Variants in BAHD1 observed in about 807,000 individuals in gnomAD.
BAHD1 encodes bromo adjacent homology domain-containing 1 protein.
In BAHD1, 20 loss-of-function variants were observed where a neutral mutation model predicts 63.1. The ratio of observed to expected loss-of-function variants is 0.32; its 90% CI spans 0.22 to 0.46. The LOEUF is 0.46. BAHD1 is among the 20% of genes least tolerant of loss of function. The pLI is 1.00. For missense variants in BAHD1, 939 were observed against 1,071.8 expected, an observed-to-expected ratio of 0.88 and a Z score of 1.73; for synonymous variants, 408 against 426.8, an observed-to-expected ratio of 0.96 and a Z score of 0.54.
chr15:40,439,418 T>C (rs558513097), upstream of BAHD1, among the ~76,000 whole-genome samples: 101 of 152,320 alleles, frequency 6.6e-4, 1 homozygote, highest in South Asian at 0.02. Context: ...AAAGGCTGCC[T>C]GGGTGAGCGC....
chr15:40,464,836 A>T (rs603104), intron 5 of BAHD1: 1 of 458,884 alleles, frequency 2.2e-6, no homozygotes, highest in Non-Finnish European at 3.9e-6. Context: ...GTTCCCCTGG[A>T]AACAGGAAAG....
chr15:40,443,135 G>A (rs1022600439), intron 1 of BAHD1: 7 of 323,578 alleles, frequency 2.2e-5, no homozygotes, highest in Non-Finnish European at 1.3e-5. Context: ...CTGAGTTCGA[G>A]TCCCACCTCA....
At position 40,459,951 on chromosome 15, in the gene BAHD1, A is replaced by G. The variant is rs1412880962; in HGVS notation, c.1432+55A>G. ...GGGAGTCTCGGAGACATGGCATCCC[A>G]GGAGGTTGGGCTGTTGATCTGAGCA... On this transcript the variant is annotated intron_variant, in intron 2 of 6. Coordinates refer to ENST00000416165, the MANE Select transcript of BAHD1 (RefSeq NM_014952.5). The G allele has an allele frequency of 2.0e-6, 3 of 1,512,670 alleles. No homozygotes were observed. The Admixed American group carries it at 6.2e-5, about 31-fold the overall frequency. The allele number at this position is 1,512,670 out of a possible 1,614,324, so 93.7% of individuals were successfully genotyped here.
At chr15:40,437,587 A>G (rs1215485632), upstream of BAHD1, among the ~76,000 whole-genome samples, 1 of 152,098 alleles carries the variant, frequency 6.6e-6, no homozygotes, top group Non-Finnish European at 1.5e-5. Flanking sequence ...GTGGCTCAGT[A>G]AGTATTGTGG....
intron 1 of BAHD1, among the ~76,000 whole-genome samples, chr15:40,456,840 G>T (rs891911882): frequency 6.6e-6 from 1 of 152,234 alleles, no homozygotes; most frequent in African/African-American, 2.4e-5. Flanking sequence ...GGAGTACCTG[G>T]TGAGGGACAG....
chr15:40,449,552 C>G (rs934603786), intron 1 of BAHD1, among the ~76,000 whole-genome samples: 10 of 152,096 alleles, frequency 6.6e-5, no homozygotes, highest in African/African-American at 2.4e-4. Flanking sequence ...GTAATCCCAG[C>G]ACTTTGGGAT....
In BAHD1 at chr15:40,458,376, G is replaced by A; in HGVS notation, c.-14-75G>A. 1 of 1,502,348 alleles carries A rather than the reference G, an allele frequency of 6.7e-7. No homozygotes were observed. Among genetic ancestry groups the A allele is most frequent in the Non-Finnish European group, 8.9e-7 (1 of 1,127,156 alleles). 93.1% of individuals were successfully genotyped at this position (1,502,348 alleles called of 1,614,324 possible). ...GGATCACTGCACCTGGGGCTGGGTAGGCTGCAGTGGGAGAGAAAGCAGGCA... is the reference window on the plus strand; with the variant it reads ...GGATCACTGCACCTGGGGCTGGGTAAGCTGCAGTGGGAGAGAAAGCAGGCA... On this transcript the variant is annotated intron_variant, in intron 1 of 6. Transcript: ENST00000416165. The surrounding 1 kb of genome is among the most constrained non-coding windows in gnomAD (Gnocchi z 4.7).
intron 1 of BAHD1, among the ~76,000 whole-genome samples, chr15:40,449,178 C>T (rs1007400258): frequency 2.6e-5 from 4 of 152,102 alleles, no homozygotes; most frequent in Admixed American, 2.6e-4. Context: ...ACAACTAGCT[C>T]ATAAGGCTGT....
chr15:40,463,919 C>A lies in BAHD1; in HGVS notation c.1874C>A (p.Thr625Lys), dbSNP rs1387841741. The A allele has an allele frequency of 6.2e-7, 1 of 1,614,100 alleles. No individual in the cohort carries two copies. The highest frequency in any genetic ancestry group is 1.3e-5 in the African/African-American group (1 of 74,934). ...SYQAVERHGE[T>K]IRVRDTVLLK... ...CAGGCGGTAGAGCGGCATGGGGAGA[C>A]AATCCGAGTCCGGGACACCGTCCTT... The change falls in exon 4 of 7, where the codon ACA (threonine) becomes AAA (lysine). Residue 625 changes from threonine (T) to lysine (K), a missense_variant. Thr to Lys is a moderately conservative substitution (Grantham distance 78, BLOSUM62 -1). Transcript: ENST00000416165.
At chr15:40,463,798 C>T in intron 3 of BAHD1, 63 bp from the exon 4 acceptor site, 7 of 1,572,722 alleles carry the variant, frequency 4.5e-6, no homozygotes, top group Non-Finnish European at 6.1e-6. Context: ...GTCATTCCCT[C>T]TCTCTGTCCT....
intron 1 of BAHD1, among the ~76,000 whole-genome samples, chr15:40,456,634 C>T (rs1296134744): frequency 1.3e-5 from 2 of 152,212 alleles, no homozygotes; most frequent in Non-Finnish European, 2.9e-5. Flanking sequence ...TGACCCCACC[C>T]ACTGGCCCAA....
chr15:40,441,764 C>T (rs1035202073), intron 1 of BAHD1, among the ~76,000 whole-genome samples: 2 of 150,246 alleles, frequency 1.3e-5, no homozygotes, highest in Non-Finnish European at 3.0e-5. Flanking sequence ...CAAGGGGCCG[C>T]GGCCGGGGGC....
At position 40,459,676 on chromosome 15, in the gene BAHD1, G is replaced by A; in HGVS notation, c.1212G>A (p.Leu404=). The change falls in exon 2 of 7, where the codon CTG becomes CTA. Residue 404 remains leucine (L), a synonymous_variant. Coordinates refer to ENST00000416165, the MANE Select transcript of BAHD1 (RefSeq NM_014952.5). The part of the protein sequence containing the change: ...SPCPMLPEGK[L]SPVAAPHEEG... ...GCCCCATGCTTCCTGAGGGCAAGCT[G>A]TCCCCAGTGGCTGCACCTCACGAGG... is the stretch of plus-strand genomic sequence containing the variant. The A allele has an allele frequency of 6.2e-7, 1 of 1,614,086 alleles. No homozygotes were observed. The highest frequency in any genetic ancestry group is 8.5e-7 in the Non-Finnish European group (1 of 1,180,006).
At chr15:40,439,478 G>A (rs1399499949), upstream of BAHD1, among the ~76,000 whole-genome samples, 1 of 152,184 alleles carries the variant, frequency 6.6e-6, no homozygotes, top group Non-Finnish European at 1.5e-5. Context: ...GGTGCAGGAG[G>A]AGCCCCTCCG....
rs1390464960 is a variant in BAHD1, at chr15:40,458,706, C to T, written c.242C>T (p.Ala81Val). 6.2e-7 allele frequency: 1 copy of T among 1,613,760 alleles called. No homozygotes were observed. The highest frequency in any genetic ancestry group is 1.7e-5 in the Admixed American group (1 of 60,016). Reference protein sequence around the residue: ...KVLLTRLENVAGPRSADEADE... With the variant: ...KVLLTRLENVVGPRSADEADE... ...CTGCTGACTCGCCTGGAGAATGTGG[C>T]CGGTCCCCGGAGTGCAGATGAGGCT... The change falls in exon 2 of 7, where the codon GCC becomes GTC. Residue 81 changes from alanine to valine, a missense_variant. By Grantham distance (64) the Ala-to-Val change is moderately conservative (BLOSUM62 0). This residue lies in a region of BAHD1 where 797 missense variants were observed against 813.3 expected (regional missense o/e 0.98). Coordinates refer to ENST00000416165, the MANE Select transcript of BAHD1 (RefSeq NM_014952.5). The surrounding 1 kb of genome is among the most constrained non-coding windows in gnomAD (Gnocchi z 4.7).
chr15:40,455,700 G>A (rs899138389), intron 1 of BAHD1, among the ~76,000 whole-genome samples: 7 of 152,222 alleles, frequency 4.6e-5, no homozygotes, highest in African/African-American at 1.7e-4. Context: ...AAGCCCAGGT[G>A]ATCTCCACCT....
chr15:40,452,629 G>A (rs1893739528), intron 1 of BAHD1, among the ~76,000 whole-genome samples: 1 of 152,076 alleles, frequency 6.6e-6, no homozygotes, highest in African/African-American at 2.4e-5. Context: ...TGCCCTTCCA[G>A]GCCCTCACCC....
In BAHD1 at chr15:40,442,638, AAG is replaced by A. The variant is rs113185120; in HGVS notation, c.-15+1374_-15+1375del. Among the ~76,000 whole-genome samples the A allele has an allele frequency of 8.1e-3, 1,230 of 152,238 alleles. 13 individuals are homozygous for A. Among genetic ancestry groups the A allele is most frequent in the African/African-American group, 0.028 (1,166 of 41,550 alleles). On this transcript the variant is annotated intron_variant, in intron 1 of 6. Transcript: ENST00000416165. ...TGCAGAAGACTAGTTTGATTAGGACAAGAGACACCCCACCCCGTGGGCTCCCG... is the reference window on the plus strand; with the variant it reads ...TGCAGAAGACTAGTTTGATTAGGACAAGACACCCCACCCCGTGGGCTCCCG...
chr15:40,455,482 G>A (rs1031825931), intron 1 of BAHD1, among the ~76,000 whole-genome samples: 1 of 152,318 alleles, frequency 6.6e-6, no homozygotes, highest in South Asian at 2.1e-4. Flanking sequence ...TGTGTTGAGA[G>A]GGGAAGACTG....
Sources: gnomAD v4.1 joint callset for allele counts (sites outside exome capture counted in the v4.1 genomes callset) on GRCh38, gnomAD v4.1.1 for gene constraint, gnomAD v4.1.1 regional missense constraint, Gnocchi (gnomAD v3.1) non-coding constraint, MANE v1.5 for transcripts, NCBI Gene and HGNC (gene_info 2026-07-23, HGNC 2026-07-21) for gene names.